ATP11C: variants seen among roughly 807,000 people sequenced by gnomAD.
The protein encoded by ATP11C is ATPase phospholipid transporting 11C (ATP11C blood group).
In ATP11C, 36 loss-of-function variants were observed where a neutral mutation model predicts 97.4. That is an observed-to-expected ratio of 0.37 (90% confidence interval 0.28 to 0.49). The LOEUF (loss-of-function observed/expected upper bound fraction) is 0.49. ATP11C is among the 20% of genes least tolerant of loss of function. The pLI, the probability that ATP11C is intolerant of heterozygous loss-of-function variation, is 0.98. For missense variants in ATP11C, 730 were observed against 824.6 expected, an observed-to-expected ratio of 0.89 and a Z score of 1.40; for synonymous variants, 275 against 290.9, an observed-to-expected ratio of 0.95 and a Z score of 0.56.
rs762422169 is a variant in ATP11C, at chrX:139,727,050, T to C, written c.*1916A>G. ...CTCTAAATCCCCCTTACTCCTTGTC[T>C]TTCTTTCTTTCTGGCTGGAAGGAAT... On this transcript the variant is annotated 3_prime_UTR_variant, in exon 30 of 30. Coordinates refer to ENST00000682941, the MANE Select transcript of ATP11C (RefSeq NM_001353812.2). 1 of 111,856 alleles carries C rather than the reference T, an allele frequency of 8.9e-6. No homozygotes were observed. The highest frequency in any genetic ancestry group is 1.9e-5 in the Non-Finnish European group (1 of 53,074). 9.2% of individuals were successfully genotyped at this position (111,856 alleles called of 1,213,427 possible). A position where few individuals can be genotyped will look rare whatever the true frequency, so the allele number is the denominator to read the frequency against.
intron 1 of ATP11C, among the ~76,000 whole-genome samples, chrX:139,922,663 G>A (rs921459118): frequency 1.2e-4 from 13 of 111,105 alleles, no homozygotes; most frequent in African/African-American, 2.6e-4. Flanking sequence ...AGTCTGCGAC[G>A]TGAAGCCCCC....
At chrX:139,824,604 G>A (rs1003210808) in intron 2 of ATP11C, among the ~76,000 whole-genome samples, 2 of 111,170 alleles carry the variant, frequency 1.8e-5, no homozygotes, top group Admixed American at 9.5e-5. Context: ...GGAGAATGGC[G>A]TGAACCCAGG....
intron 2 of ATP11C, among the ~76,000 whole-genome samples, chrX:139,819,836 T>C (rs1415081485): frequency 8.9e-6 from 1 of 112,168 alleles, no homozygotes; most frequent in South Asian, 3.7e-4. Context: ...TGTTCACCTG[T>C]ATTGTTTACA....
At chrX:139,800,414 G>A (rs1214002060) in intron 7 of ATP11C, among the ~76,000 whole-genome samples, 1 of 112,129 alleles carries the variant, frequency 8.9e-6, no homozygotes, top group East Asian at 2.8e-4. Flanking sequence ...TCTTTTATAA[G>A]TTTATATAAA....
Position 139,741,069 on chromosome X carries a change from G to C in ATP11C, c.3056C>G (p.Thr1019Arg). The C allele has an allele frequency of 8.3e-7, 1 of 1,202,734 alleles. No individual in the cohort carries two copies. Among genetic ancestry groups the C allele is most frequent in the Non-Finnish European group, 1.1e-6 (1 of 888,440 alleles). Residue 1019 changes from threonine (T) to arginine (R), a missense_variant, in exon 27 of 30, where the codon ACG (threonine) becomes AGG (arginine). By Grantham distance (71) the Thr-to-Arg change is moderately conservative. Transcript: ENST00000682941. The part of the protein sequence containing the change: ...LKLALDTRFW[T>R]WINHFVIWGS... ...CCAAATCACAAAGTGATTTATCCAC[G>C]TCCAGAATCGGGTATCCAAGGCAAG...
At chrX:139,917,698 T>A (rs1003169774) in intron 1 of ATP11C, among the ~76,000 whole-genome samples, 1 of 111,629 alleles carries the variant, frequency 9.0e-6, no homozygotes, top group African/African-American at 3.3e-5. Flanking sequence ...GGTTCCCACT[T>A]GTAATCCCAG....
intron 1 of ATP11C, among the ~76,000 whole-genome samples, chrX:139,920,661 G>A (rs1002575615): frequency 8.9e-6 from 1 of 111,904 alleles, no homozygotes; most frequent in African/African-American, 3.2e-5. Context: ...TTAAAGTGGT[G>A]AATTTTATGT....
rs1285457593 is a variant in ATP11C, at chrX:139,882,448, G to A, written c.27+49568C>T. Among the ~76,000 whole-genome samples the A allele has an allele frequency of 8.1e-5, 9 of 111,478 alleles. 1 individual carries two copies. The East Asian group carries it at 2.6e-3, about 32-fold the overall frequency. ...CCATCTGCCTCAGAAACTCATCCTA[G>A]TGTCTGTACTAAGTCACACCTCCAA... is the stretch of plus-strand genomic sequence containing the variant. On this transcript the variant is annotated intron_variant, in intron 1 of 29. Transcript: ENST00000682941.
At chrX:139,780,865 C>T (rs1215259900) in intron 18 of ATP11C, among the ~76,000 whole-genome samples, 1 of 111,632 alleles carries the variant, frequency 9.0e-6, no homozygotes, top group Non-Finnish European at 1.9e-5. Flanking sequence ...TAAGTGGGAG[C>T]TAATAAATAA....
At chrX:139,787,025 C>T in intron 15 of ATP11C, 148 bp downstream of exon 15, 2 of 838,579 alleles carry the variant, frequency 2.4e-6, no homozygotes, top group Non-Finnish European at 3.3e-6. Context: ...ATGGCTTCTA[C>T]CCCAACTATA....
At chrX:139,851,365 T>C (rs143723937) in intron 1 of ATP11C, among the ~76,000 whole-genome samples, 1,234 of 111,013 alleles carry the variant, frequency 0.011, 17 homozygotes, top group African/African-American at 0.038. Context: ...AATATGAGAG[T>C]TGTGGGGGCA....
intron 1 of ATP11C, among the ~76,000 whole-genome samples, chrX:139,917,131 T>C (rs770328828): frequency 8.1e-5 from 9 of 111,591 alleles, no homozygotes; most frequent in African/African-American, 2.9e-4. Flanking sequence ...AGTTGGACCC[T>C]TATCTTATAC....
chrX:139,785,673 G>A (rs1480700840), intron 15 of ATP11C, among the ~76,000 whole-genome samples: 1 of 111,718 alleles, frequency 9.0e-6, no homozygotes, highest in Admixed American at 9.5e-5. Flanking sequence ...TAGGTGCTGG[G>A]GAATAGAGGT....
At chrX:139,740,934 A>G in intron 27 of ATP11C, 57 bp downstream of exon 27, 1 of 728,212 alleles carries the variant, frequency 1.4e-6, no homozygotes, top group Non-Finnish European at 2.2e-6. Flanking sequence ...TATAGTGTAC[A>G]TACACATGTA....
chrX:139,871,141 T>C (rs1425861270), intron 1 of ATP11C, among the ~76,000 whole-genome samples: 1 of 109,815 alleles, frequency 9.1e-6, no homozygotes, highest in Non-Finnish European at 1.9e-5. Flanking sequence ...AAAAACCATA[T>C]GAAAGTCTAG....
chrX:139,930,049 T>A (rs1282168888), intron 1 of ATP11C, among the ~76,000 whole-genome samples: 1 of 111,890 alleles, frequency 8.9e-6, no homozygotes, highest in Admixed American at 9.5e-5. Context: ...TCCTGATACT[T>A]ACCACAGTCA....
chrX:139,730,084 C>T (rs1310815447), intron 29 of ATP11C, among the ~76,000 whole-genome samples: 1 of 111,689 alleles, frequency 9.0e-6, no homozygotes, highest in African/African-American at 3.3e-5. Context: ...TAATTATTGT[C>T]TTTGGAGGAG....
intron 27 of ATP11C, among the ~76,000 whole-genome samples, chrX:139,738,839 G>A (rs752912921): frequency 9.0e-6 from 1 of 110,560 alleles, no homozygotes; most frequent in East Asian, 2.9e-4. Flanking sequence ...GGGGGAAGAA[G>A]TGGTTGCTTA....
upstream of ATP11C, among the ~76,000 whole-genome samples, chrX:139,935,995 CA>C (rs1205100021): frequency 0.032 from 2,990 of 94,449 alleles, 128 homozygotes; most frequent in African/African-American, 0.11. Flanking sequence ...GACTCCGTCT[CA>C]AAAAAAAAAA....
Sources: gnomAD v4.1 joint callset for allele counts (sites outside exome capture counted in the v4.1 genomes callset) on GRCh38, gnomAD v4.1.1 for gene constraint, MANE v1.5 for transcripts, NCBI Gene and HGNC (gene_info 2026-07-23, HGNC 2026-07-21) for gene names.